Variants in CANX observed in about 807,000 individuals in gnomAD.
CANX encodes calnexin, also known as epididymis secretory sperm binding protein.
Under a neutral mutation model 75.7 loss-of-function variants are expected in CANX, and 14 were observed. The ratio of observed to expected loss-of-function variants is 0.19; its 90% CI spans 0.12 to 0.29. The LOEUF is 0.29. Ranked by LOEUF, CANX falls within the 10% of genes least tolerant of loss-of-function variation. The probability of loss-of-function intolerance (pLI) is 1.00; values close to 1 mark genes in which losing one functional copy is unlikely to be tolerated. For synonymous variants in CANX, 227 were observed against 236.9 expected (o/e 0.96, Z 0.38); for missense variants, 567 against 713.2 (o/e 0.79, Z 2.34).
Position 179,731,314 on chromosome 5 carries a change from A to G in CANX, c.*2670A>G, listed in dbSNP as rs1261830454. 2.0e-5 allele frequency among the ~76,000 whole-genome samples: 3 copies of G among 152,194 alleles called. No individual in the cohort carries two copies. The highest frequency in any genetic ancestry group is 4.4e-5 in the Non-Finnish European group (3 of 68,024). ...ACTCCATTATTTTACATATACTTAA[A>G]TACTTTAGGGGTATTTTTGAAAGTT... On this transcript the variant is annotated 3_prime_UTR_variant, in exon 15 of 15. Coordinates refer to ENST00000247461, the MANE Select transcript of CANX (RefSeq NM_001746.4).
rs1285448848 is a variant in CANX, at chr5:179,730,398, T to G, written c.*1754T>G. Reference sequence around the variant, plus strand: ...TGTGGTCACAGTGACCTTAGCTACATAGCAGACTTTCCCAAATGTATTGAT... The same window carrying G: ...TGTGGTCACAGTGACCTTAGCTACAGAGCAGACTTTCCCAAATGTATTGAT... On this transcript the variant is annotated 3_prime_UTR_variant, in exon 15 of 15. Coordinates refer to ENST00000247461, the MANE Select transcript of CANX (RefSeq NM_001746.4). 6.6e-6 allele frequency: 1 copy of G among 152,264 alleles called. No individual in the cohort carries two copies. The highest frequency in any genetic ancestry group is 1.5e-5 in the Non-Finnish European group (1 of 68,044). The allele number at this position is 152,264 out of a possible 1,614,324, so 9.4% of individuals were successfully genotyped here. A position where few individuals can be genotyped will look rare whatever the true frequency, so the allele number is the denominator to read the frequency against.
intron 1 of CANX, among the ~76,000 whole-genome samples, chr5:179,689,386 T>TTTTTTG (rs1238609721): frequency 7.0e-6 from 1 of 142,252 alleles, no homozygotes; most frequent in Non-Finnish European, 1.5e-5. Context: ...CAAGTTTTTT[T>TTTTTTG]TTTTTTTTTT....
At chr5:179,691,406 C>A (rs1048053799) in intron 1 of CANX, among the ~76,000 whole-genome samples, 12 of 151,952 alleles carry the variant, frequency 7.9e-5, no homozygotes, top group African/African-American at 2.7e-4. Context: ...GCAGACCAAG[C>A]TGAGTAAAAA....
At chr5:179,726,382 C>T (rs1778671863) in intron 13 of CANX, among the ~76,000 whole-genome samples, 1 of 152,064 alleles carries the variant, frequency 6.6e-6, no homozygotes, top group African/African-American at 2.4e-5. Flanking sequence ...CGAGACCATC[C>T]TGGCTAACAC....
chr5:179,716,025 A>G (rs779212247), intron 7 of CANX, 80 bp from the exon 8 acceptor site: 1 of 1,043,690 alleles, frequency 9.6e-7, no homozygotes, highest in South Asian at 1.3e-5. Flanking sequence ...GCTTCACGTT[A>G]GAAGTCATGA....
intron 14 of CANX, among the ~76,000 whole-genome samples, chr5:179,727,334 T>A (rs1401239490): frequency 6.6e-6 from 1 of 152,152 alleles, no homozygotes; most frequent in Non-Finnish European, 1.5e-5. Context: ...CGATGAATAA[T>A]TAAAACAGGA....
At chr5:179,728,515 C>A in intron 14 of CANX, 76 bp from the exon 15 acceptor site, 1 of 871,944 alleles carries the variant, frequency 1.1e-6, no homozygotes, top group Non-Finnish European at 1.9e-6. Flanking sequence ...CTCAGTCTGG[C>A]TGATCTTGAA....
chr5:179,710,189 G>A (rs1175050575), intron 7 of CANX, 124 bp downstream of exon 7: 6 of 582,138 alleles, frequency 1.0e-5, no homozygotes, highest in Admixed American at 3.3e-5. Context: ...TTGGGAGGCC[G>A]AGATGGGCAG....
intron 3 of CANX, among the ~76,000 whole-genome samples, 183 bp from the exon 4 acceptor site, chr5:179,706,949 A>G (rs1242570554): frequency 1.3e-5 from 2 of 152,146 alleles, no homozygotes; most frequent in Non-Finnish European, 1.5e-5. Flanking sequence ...GTACTTTTTC[A>G]TATAGGTTTG....
At chr5:179,707,349 C>G (rs1777201817) in intron 4 of CANX, among the ~76,000 whole-genome samples, 159 bp downstream of exon 4, 1 of 152,156 alleles carries the variant, frequency 6.6e-6, no homozygotes, top group Admixed American at 6.6e-5. Context: ...CTTTCGGAAG[C>G]CAAGGCGGGC....
intron 8 of CANX, among the ~76,000 whole-genome samples, chr5:179,718,233 G>A (rs1178894611): frequency 2.0e-5 from 3 of 152,146 alleles, no homozygotes; most frequent in African/African-American, 7.2e-5. Flanking sequence ...CTGGAGTGCA[G>A]TGGCACGATC....
chr5:179,718,719 G>A (rs1778122958), intron 8 of CANX, among the ~76,000 whole-genome samples: 2 of 152,006 alleles, frequency 1.3e-5, no homozygotes, highest in South Asian at 2.1e-4. Flanking sequence ...GTAGAGATGG[G>A]GTTTCTCCAT....
chr5:179,728,096 C>T (rs1007254133), intron 14 of CANX, among the ~76,000 whole-genome samples: 5 of 152,180 alleles, frequency 3.3e-5, no homozygotes, highest in African/African-American at 1.2e-4. Flanking sequence ...CCCCAAACTC[C>T]CTCACACGTT....
chr5:179,689,963 G>A (rs752573289), intron 1 of CANX, among the ~76,000 whole-genome samples: 1 of 152,154 alleles, frequency 6.6e-6, no homozygotes, highest in Non-Finnish European at 1.5e-5. Context: ...AGGAAGGGAA[G>A]GGTGTGCTAC....
At chr5:179,694,322 C>A, upstream of CANX, 1 of 546,154 alleles carries the variant, frequency 1.8e-6, no homozygotes, top group Non-Finnish European at 3.3e-6. Context: ...CCAAGAAGTG[C>A]TCTGAAAGGT....
At chr5:179,718,371 C>T (rs761622091) in intron 8 of CANX, among the ~76,000 whole-genome samples, 3 of 152,074 alleles carry the variant, frequency 2.0e-5, no homozygotes, top group Non-Finnish European at 2.9e-5. Context: ...GGACTACAAG[C>T]GCGCACTACT....
intron 14 of CANX, among the ~76,000 whole-genome samples, chr5:179,727,326 A>G: frequency 6.6e-6 from 1 of 152,374 alleles, no homozygotes; most frequent in Non-Finnish European, 1.5e-5. Flanking sequence ...GTAAGAAACG[A>G]TGAATAATTA....
intron 1 of CANX, among the ~76,000 whole-genome samples, chr5:179,690,639 C>T (rs1776284745): frequency 6.6e-6 from 1 of 150,582 alleles, no homozygotes; most frequent in Non-Finnish European, 1.5e-5. Context: ...CGCCTGTAAT[C>T]CCAGCACTTT....
intron 12 of CANX, among the ~76,000 whole-genome samples, chr5:179,724,006 A>C (rs764473239): frequency 1.3e-5 from 2 of 152,010 alleles, no homozygotes; most frequent in Non-Finnish European, 2.9e-5. Context: ...TATTTATCCT[A>C]ATCTGTTACT....
Sources: gnomAD v4.1 joint callset for allele counts (sites outside exome capture counted in the v4.1 genomes callset) on GRCh38, gnomAD v4.1.1 for gene constraint, MANE v1.5 for transcripts, NCBI Gene and HGNC (gene_info 2026-07-23, HGNC 2026-07-21) for gene names.